The following GSG1L variants were observed in gnomAD, a reference collection of about 807,000 sequenced individuals.
GSG1L encodes the protein germ cell-specific gene 1-like protein.
A neutral mutation model predicts 42.1 loss-of-function variants in GSG1L; 24 were observed. That is an observed-to-expected ratio of 0.57 (90% CI 0.41 to 0.80). The LOEUF (loss-of-function observed/expected upper bound fraction) is 0.80. Ranked by LOEUF, GSG1L falls within the 30% of genes least tolerant of loss-of-function variation. The probability of loss-of-function intolerance (pLI) is 0.00; values close to 1 mark genes in which losing one functional copy is unlikely to be tolerated. For synonymous variants in GSG1L, 215 were observed against 203.5 expected (o/e 1.06, Z -0.48); for missense variants, 445 against 472.2 (o/e 0.94, Z 0.53).
chr16:28,014,654 ATTTTTTTTTTT>A (rs3033619), intron 1 of GSG1L, among the ~76,000 whole-genome samples: 8 of 73,452 alleles, frequency 1.1e-4, no homozygotes, highest in African/African-American at 4.1e-4. Context: ...CAGGCACGCT[ATTTTTTTTTTT>A]TTTTTTTTTT....
chr16:28,026,624 T>C (rs1455355794), intron 1 of GSG1L, among the ~76,000 whole-genome samples: 1 of 152,212 alleles, frequency 6.6e-6, no homozygotes, highest in Non-Finnish European at 1.5e-5. Context: ...TTGGTTACAC[T>C]GGGCCCCGTC....
intron 3 of GSG1L, among the ~76,000 whole-genome samples, chr16:27,846,598 T>A (rs1596551998): frequency 6.6e-6 from 1 of 152,164 alleles, no homozygotes; most frequent in Non-Finnish European, 1.5e-5. Context: ...TAAGTAAAAA[T>A]TACAGTTCAC....
intron 5 of GSG1L, among the ~76,000 whole-genome samples, chr16:27,812,303 A>C (rs2083040378): frequency 6.6e-6 from 1 of 152,152 alleles, no homozygotes; most frequent in Admixed American, 6.5e-5. Flanking sequence ...TCATGTGCTA[A>C]GTTTCAGGCC....
At chr16:27,878,036 C>T (rs139086546) in intron 3 of GSG1L, among the ~76,000 whole-genome samples, 6 of 151,958 alleles carry the variant, frequency 3.9e-5, no homozygotes, top group Admixed American at 6.6e-5. Flanking sequence ...CCAGGGCCAG[C>T]GCATAGTAGC....
chr16:28,013,458 T>C (rs1394387043), intron 1 of GSG1L, among the ~76,000 whole-genome samples: 1 of 152,150 alleles, frequency 6.6e-6, no homozygotes, highest in African/African-American at 2.4e-5. Context: ...ACTATAATGT[T>C]TGGGGGTGGA....
chr16:27,918,694 A>G (rs1339955898), intron 2 of GSG1L, among the ~76,000 whole-genome samples: 1 of 152,042 alleles, frequency 6.6e-6, no homozygotes, highest in Non-Finnish European at 1.5e-5. Context: ...AAAAAGAAAA[A>G]AAAGAATAAA....
intron 2 of GSG1L, among the ~76,000 whole-genome samples, chr16:27,926,619 G>A (rs532353160): frequency 2.6e-5 from 4 of 152,326 alleles, no homozygotes; most frequent in South Asian, 4.1e-4. Context: ...AATCCAGGAG[G>A]CAAAGGTTGC....
At chr16:27,837,634 G>A (rs1243070357) in intron 4 of GSG1L, among the ~76,000 whole-genome samples, 1 of 152,228 alleles carries the variant, frequency 6.6e-6, no homozygotes, top group African/African-American at 2.4e-5. Flanking sequence ...GGAGAAAGGG[G>A]CACCTTGTTA....
intron 2 of GSG1L, among the ~76,000 whole-genome samples, chr16:27,959,638 TG>T (rs973429987): frequency 6.6e-6 from 1 of 150,442 alleles, no homozygotes; most frequent in Middle Eastern, 3.3e-3. Context: ...GCACCAAGCG[TG>T]GGGCATGGTA....
intron 2 of GSG1L, among the ~76,000 whole-genome samples, chr16:27,903,582 C>G (rs2084288097): frequency 6.6e-6 from 1 of 152,228 alleles, no homozygotes; most frequent in Non-Finnish European, 1.5e-5. Flanking sequence ...CTTCCCACCT[C>G]TCCACCAAAG....
chr16:27,881,833 C>T (rs1200877008), intron 3 of GSG1L, among the ~76,000 whole-genome samples: 7 of 152,188 alleles, frequency 4.6e-5, no homozygotes, highest in African/African-American at 2.4e-5. Flanking sequence ...AACCAGTCCC[C>T]AAGCCCAGCT....
Position 27,791,645 on chromosome 16 carries a change from CCT to C in GSG1L, c.899-180_899-179del, listed in dbSNP as rs540853407. On this transcript the variant is annotated intron_variant, in intron 6 of 6. Transcript: ENST00000447459. Reference sequence around the variant, plus strand: ...CCACCAGCTCTCCACCCATCCCTCCCCTGTCAGCCACCCAGTCACCCACCAGT... The same window carrying C: ...CCACCAGCTCTCCACCCATCCCTCCCGTCAGCCACCCAGTCACCCACCAGT... Among the ~76,000 whole-genome samples, 859 of 152,118 alleles carry C rather than the reference CCT, an allele frequency of 5.6e-3. 10 individuals are homozygous for C. The highest frequency in any genetic ancestry group is 0.019 in the African/African-American group (795 of 41,464).
chr16:28,048,070 A>G (rs1011174029), intron 1 of GSG1L, among the ~76,000 whole-genome samples: 6 of 151,754 alleles, frequency 4.0e-5, no homozygotes, highest in Non-Finnish European at 8.8e-5. Context: ...AAAAAAAAAA[A>G]AAATTTTAAT....
rs546620801 is a variant in GSG1L at position 28,055,198 on chromosome 16, C to T, written c.349+7878G>A. The stretch of plus-strand genomic sequence containing the variant: ...TGAGACAGGGTCTCCCTCTGTTGCC[C>T]GGGCTGGAGCACAGTGACACGATGA... On this transcript the variant is annotated intron_variant, in intron 1 of 6. Coordinates refer to ENST00000447459, the MANE Select transcript of GSG1L (RefSeq NM_001109763.2). 2.2e-3 allele frequency among the ~76,000 whole-genome samples: 339 copies of T among 152,266 alleles called. 2 individuals are homozygous for T. Among genetic ancestry groups the T allele is most frequent in the African/African-American group, 7.8e-3 (326 of 41,534 alleles).
chr16:27,853,410 C>G (rs2083538283), intron 3 of GSG1L, among the ~76,000 whole-genome samples: 1 of 152,184 alleles, frequency 6.6e-6, no homozygotes, highest in African/African-American at 2.4e-5. Context: ...TTAAAAAGTT[C>G]CTCCTTACAC....
At chr16:27,893,073 A>G (rs137898850) in intron 2 of GSG1L, among the ~76,000 whole-genome samples, 1 of 152,084 alleles carries the variant, frequency 6.6e-6, no homozygotes, top group Non-Finnish European at 1.5e-5. Context: ...GGTGGGGATG[A>G]TTGTCCCAAG....
chr16:28,039,738 A>G (rs1183598642), intron 1 of GSG1L, among the ~76,000 whole-genome samples: 3 of 152,072 alleles, frequency 2.0e-5, no homozygotes, highest in African/African-American at 4.8e-5. Flanking sequence ...ACACATGCAC[A>G]CACACTCACA....
intron 6 of GSG1L, among the ~76,000 whole-genome samples, chr16:27,799,994 G>A (rs112958715): frequency 1.1e-4 from 17 of 152,184 alleles, no homozygotes; most frequent in African/African-American, 3.6e-4. Context: ...TGGGTCCCCC[G>A]CCAGACCTCC....
intron 2 of GSG1L, among the ~76,000 whole-genome samples, chr16:27,957,886 AAG>A (rs1212623190): frequency 1.3e-5 from 2 of 152,074 alleles, no homozygotes; most frequent in Non-Finnish European, 2.9e-5. Context: ...GTCACATGGC[AAG>A]AGAGAGAGTG....
Sources: allele counts gnomAD v4.1 joint callset (sites outside exome capture counted in the v4.1 genomes callset), GRCh38; gene constraint gnomAD v4.1.1; transcripts MANE v1.5; gene names NCBI Gene and HGNC (gene_info 2026-07-23, HGNC 2026-07-21).